AKT3: variants seen among roughly 807,000 people sequenced by gnomAD.
AKT3 encodes the protein AKT serine/threonine kinase 3, also known as RAC-gamma serine/threonine-protein kinase.
Under a neutral mutation model 65.3 loss-of-function variants are expected in AKT3, and 15 were observed. That is an observed-to-expected ratio of 0.23 (90% confidence interval 0.15 to 0.35). The LOEUF is 0.35. Ranked by LOEUF, AKT3 falls within the 10% of genes least tolerant of loss-of-function variation. The probability of loss-of-function intolerance (pLI) is 1.00; values close to 1 mark genes in which losing one functional copy is unlikely to be tolerated. For synonymous variants in AKT3, 206 were observed against 183.8 expected (o/e 1.12, Z -0.98); for missense variants, 243 against 576.5 (o/e 0.42, Z 5.92).
In AKT3 at chr1:243,654,498, G is replaced by C. The variant is rs192898745; in HGVS notation, c.285-8461C>G. On this transcript the variant is annotated intron_variant, in intron 4 of 13. Transcript: ENST00000673466. ...TTATCAAATTATTGGAGGGTGAAGG[G>C]AGTAGAGACAGGATCTCACTATGTT... is the stretch of plus-strand genomic sequence containing the variant. 2.6e-4 allele frequency among the ~76,000 whole-genome samples: 40 copies of C among 152,200 alleles called. No homozygotes were observed. The East Asian group carries it at 7.7e-3, about 29-fold the overall frequency.
intron 2 of AKT3, among the ~76,000 whole-genome samples, chr1:243,703,775 A>G (rs968034574): frequency 2.0e-5 from 3 of 151,600 alleles, no homozygotes; most frequent in South Asian, 2.1e-4. Flanking sequence ...AAAAAAAAAA[A>G]AAAGAAAAAG....
At chr1:243,695,745 C>A in intron 2 of AKT3, 29 bp from the exon 3 acceptor site, 1 of 1,548,522 alleles carries the variant, frequency 6.5e-7, no homozygotes, top group Non-Finnish European at 8.7e-7. Flanking sequence ...CATGTTAATG[C>A]TGAAAAAAAT....
intron 2 of AKT3, among the ~76,000 whole-genome samples, chr1:243,807,836 T>C (rs908096881): frequency 3.3e-5 from 5 of 152,154 alleles, no homozygotes; most frequent in Non-Finnish European, 7.4e-5. Context: ...GAGACGAAAC[T>C]TCCAGAGGAA....
chr1:243,600,721 A>T (rs2148573852), intron 8 of AKT3, among the ~76,000 whole-genome samples: 1 of 152,304 alleles, frequency 6.6e-6, no homozygotes, highest in Non-Finnish European at 1.5e-5. Flanking sequence ...AAGAAAGCAT[A>T]AAAGAAAATC....
intron 9 of AKT3, among the ~76,000 whole-genome samples, chr1:243,571,625 C>G (rs1674573425): frequency 6.6e-6 from 1 of 152,202 alleles, no homozygotes; most frequent in African/African-American, 2.4e-5. Flanking sequence ...GCAGAGCTAA[C>G]TACTTCTAAG....
In AKT3 at chr1:243,569,705, C is replaced by A. The variant is rs181398928; in HGVS notation, c.819+3221G>T. Among the ~76,000 whole-genome samples, 5 of 152,270 alleles carry A rather than the reference C, an allele frequency of 3.3e-5. No homozygotes were observed. In the East Asian group the frequency reaches 9.6e-4, roughly 29 times the overall value. Reference sequence around the variant, plus strand: ...GTGGAAAACAAGATTAGGTGTTCTACAAATAGGAAATAGCAACAACTTATG... The same window carrying A: ...GTGGAAAACAAGATTAGGTGTTCTAAAAATAGGAAATAGCAACAACTTATG... On this transcript the variant is annotated intron_variant, in intron 9 of 13. Transcript: ENST00000673466.
intron 2 of AKT3, among the ~76,000 whole-genome samples, chr1:243,723,762 C>CA (rs908327701): frequency 6.0e-5 from 9 of 150,852 alleles, no homozygotes; most frequent in Admixed American, 2.0e-4. Context: ...ACAAAAAATA[C>CA]AAAAAAAAAT....
chr1:243,726,148 CAGATCTTA>C, intron 2 of AKT3, among the ~76,000 whole-genome samples: 1 of 152,254 alleles, frequency 6.6e-6, no homozygotes, highest in South Asian at 2.1e-4. Flanking sequence ...GGCATTTTAA[CAGATCTTA>C]AGTTTGATAA....
chr1:243,635,598 C>T (rs1679916047), intron 6 of AKT3, among the ~76,000 whole-genome samples: 1 of 151,780 alleles, frequency 6.6e-6, no homozygotes, highest in Non-Finnish European at 1.5e-5. Context: ...TGGGCAAAAT[C>T]CACTGATATG....
chr1:243,838,523 G>A (rs1695037772), intron 2 of AKT3, among the ~76,000 whole-genome samples: 1 of 151,930 alleles, frequency 6.6e-6, no homozygotes, highest in Admixed American at 6.6e-5. Flanking sequence ...CAAAATAAAG[G>A]AGAAGAAAAG....
chr1:243,583,193 T>TACACACAC (rs760535175), intron 8 of AKT3, among the ~76,000 whole-genome samples: 1 of 38,354 alleles, frequency 2.6e-5, no homozygotes, highest in Non-Finnish European at 6.4e-5. Context: ...TATATATATA[T>TACACACAC]ATACACACAC....
At chr1:243,771,545 A>C (rs1407264592) in intron 2 of AKT3, among the ~76,000 whole-genome samples, 3 of 152,232 alleles carry the variant, frequency 2.0e-5, no homozygotes, top group African/African-American at 7.2e-5. Flanking sequence ...GCCAATACTT[A>C]CTTGCTCTAA....
At chr1:243,688,808 C>A (rs1684503707) in intron 3 of AKT3, among the ~76,000 whole-genome samples, 1 of 152,074 alleles carries the variant, frequency 6.6e-6, no homozygotes, top group South Asian at 2.1e-4. Context: ...AATCTGATTA[C>A]TAACTCTCTA....
At chr1:243,717,197 T>C (rs1166869443) in intron 2 of AKT3, among the ~76,000 whole-genome samples, 1 of 152,228 alleles carries the variant, frequency 6.6e-6, no homozygotes, top group Non-Finnish European at 1.5e-5. Flanking sequence ...TTAAAGAATG[T>C]GGTTTAGTGT....
intron 10 of AKT3, among the ~76,000 whole-genome samples, chr1:243,554,726 C>T (rs1040309661): frequency 1.3e-5 from 2 of 151,958 alleles, no homozygotes; most frequent in Non-Finnish European, 2.9e-5. Context: ...TACATTCCTA[C>T]AACACCAACA....
intron 13 of AKT3, among the ~76,000 whole-genome samples, 177 bp from the exon 14 acceptor site, chr1:243,505,511 A>G (rs1669611584): frequency 6.6e-6 from 1 of 152,250 alleles, no homozygotes; most frequent in Non-Finnish European, 1.5e-5. Context: ...TCTGATTTTC[A>G]TAAATACATA....
chr1:243,683,511 T>C (rs750708627), intron 3 of AKT3, among the ~76,000 whole-genome samples: 2 of 152,098 alleles, frequency 1.3e-5, no homozygotes, highest in Non-Finnish European at 2.9e-5. Context: ...TTATTTGAGA[T>C]GGCTAGAAAA....
At chr1:243,529,230 A>G (rs1671358432) in intron 12 of AKT3, among the ~76,000 whole-genome samples, 2 of 151,580 alleles carry the variant, frequency 1.3e-5, no homozygotes, top group Admixed American at 1.3e-4. Flanking sequence ...TAGTTTGCAA[A>G]TATTTTCTCC....
intron 6 of AKT3, among the ~76,000 whole-genome samples, chr1:243,627,819 G>A (rs1203207243): frequency 6.6e-6 from 1 of 152,194 alleles, no homozygotes; most frequent in Non-Finnish European, 1.5e-5. Context: ...CTTGAGTTTT[G>A]CGAAGAAAAA....
Sources: allele counts gnomAD v4.1 joint callset (sites outside exome capture counted in the v4.1 genomes callset), GRCh38; gene constraint gnomAD v4.1.1; transcripts MANE v1.5; gene names NCBI Gene and HGNC (gene_info 2026-07-23, HGNC 2026-07-21).